The following ROBO2 variants were observed in gnomAD, a reference collection of about 807,000 sequenced individuals.
ROBO2 encodes roundabout homolog 2.
ROBO2 carries 53 observed loss-of-function variants against 160.8 expected under a neutral mutation model. The ratio of observed to expected loss-of-function variants is 0.33; its 90% CI spans 0.26 to 0.41. The LOEUF is 0.41. ROBO2 is among the 10% of genes least tolerant of loss of function. The probability of loss-of-function intolerance (pLI) is 1.00; values close to 1 mark genes in which losing one functional copy is unlikely to be tolerated. For synonymous variants in ROBO2, 664 were observed against 611.7 expected, an observed-to-expected ratio of 1.09 and a Z score of -1.26; for missense variants, 1,577 against 1,722.4, an observed-to-expected ratio of 0.92 and a Z score of 1.49.
At chr3:77,017,253 T>G (rs577793608) in intron 2 of ROBO2, among the ~76,000 whole-genome samples, 1 of 152,328 alleles carries the variant, frequency 6.6e-6, no homozygotes, top group African/African-American at 2.4e-5. Flanking sequence ...AGTCTTTGGG[T>G]CTGTGACCTT....
chr3:76,556,071 G>C (rs752339445), intron 2 of ROBO2, among the ~76,000 whole-genome samples: 1 of 151,982 alleles, frequency 6.6e-6, no homozygotes, highest in Admixed American at 6.6e-5. Flanking sequence ...TCGCACTCCA[G>C]GCTGTGCAAC....
chr3:76,379,399 A>G (rs1437827126), intron 2 of ROBO2, among the ~76,000 whole-genome samples: 3 of 152,158 alleles, frequency 2.0e-5, no homozygotes, highest in East Asian at 1.9e-4. Flanking sequence ...GTGTTATATA[A>G]AAGTGTCTTT....
At chr3:77,614,083 T>C (rs1266403399) in intron 21 of ROBO2, among the ~76,000 whole-genome samples, 1 of 152,186 alleles carries the variant, frequency 6.6e-6, no homozygotes, top group African/African-American at 2.4e-5. Context: ...GTAAAAACTG[T>C]CTGAAAAGGT....
At chr3:76,704,623 T>C (rs1048716550) in intron 2 of ROBO2, among the ~76,000 whole-genome samples, 1 of 152,168 alleles carries the variant, frequency 6.6e-6, no homozygotes, top group African/African-American at 2.4e-5. Flanking sequence ...CTTTCCATGC[T>C]TGGGTCCTAG....
chr3:76,956,213 T>A (rs1218047925), intron 2 of ROBO2, among the ~76,000 whole-genome samples: 1 of 152,184 alleles, frequency 6.6e-6, no homozygotes, highest in Non-Finnish European at 1.5e-5. Flanking sequence ...ATGCATTAGA[T>A]ATTTATTTTA....
chr3:76,425,768 A>T (rs1261121177), intron 2 of ROBO2, among the ~76,000 whole-genome samples: 2 of 151,954 alleles, frequency 1.3e-5, no homozygotes, highest in African/African-American at 2.4e-5. Flanking sequence ...AAATGAGTTG[A>T]TCAGAACAAA....
At chr3:76,228,076 A>G (rs1704399216) in intron 2 of ROBO2, among the ~76,000 whole-genome samples, 1 of 152,226 alleles carries the variant, frequency 6.6e-6, no homozygotes, top group South Asian at 2.1e-4. Context: ...ATTTTATAGT[A>G]TACCCTAATT....
chr3:76,012,723 C>G (rs960774753), intron 2 of ROBO2, among the ~76,000 whole-genome samples: 1 of 151,846 alleles, frequency 6.6e-6, no homozygotes, highest in Non-Finnish European at 1.5e-5. Flanking sequence ...TATAATTTAT[C>G]TAAGCTCCAG....
rs150203048 is a variant in ROBO2, at chr3:77,180,531, G to C, written c.388+82191G>C. 6.9e-4 allele frequency among the ~76,000 whole-genome samples: 103 copies of C among 148,484 alleles called. 1 individual carries two copies. Among genetic ancestry groups the C allele is most frequent in the African/African-American group, 2.3e-3 (95 of 40,516 alleles). ...GCTCACTGCAACCTTCACCTCCTGG[G>C]TTCAAGCGATTCTCCTGCCTCAGTC... On this transcript the variant is annotated intron_variant, in intron 2 of 25. Coordinates refer to ENST00000461745, the Ensembl canonical transcript of ROBO2.
intron 2 of ROBO2, among the ~76,000 whole-genome samples, chr3:76,721,744 G>A (rs1451833054): frequency 1.3e-5 from 2 of 152,184 alleles, no homozygotes; most frequent in Non-Finnish European, 2.9e-5. Flanking sequence ...TTATTGTCAT[G>A]ATCATAAGGC....
At chr3:77,563,213 A>G (rs1265420323) in exon 11 of ROBO2, 5 of 1,613,560 alleles carry the variant, frequency 3.1e-6, no homozygotes, top group Non-Finnish European at 4.2e-6. Context: ...GTGACCTGCC[A>G]GGGCCACCAT....
chr3:77,626,865 G>A (rs542058164), intron 23 of ROBO2, among the ~76,000 whole-genome samples: 204 of 152,160 alleles, frequency 1.3e-3, no homozygotes, highest in African/African-American at 4.7e-3. Context: ...TTTGTGTTAC[G>A]TTTTTGGAGG....
At chr3:76,360,122 A>T (rs2075418900) in intron 2 of ROBO2, among the ~76,000 whole-genome samples, 1 of 152,080 alleles carries the variant, frequency 6.6e-6, no homozygotes, top group Admixed American at 6.6e-5. Context: ...TCACAGAGAA[A>T]CTAACTACTT....
chr3:77,134,810 A>T (rs1412257618), intron 2 of ROBO2, among the ~76,000 whole-genome samples: 1 of 152,236 alleles, frequency 6.6e-6, no homozygotes, highest in Non-Finnish European at 1.5e-5. Context: ...TACATAATCA[A>T]ATCAGTACAG....
In ROBO2 at chr3:77,291,686, A is replaced by G. The variant is rs542856094; in HGVS notation, c.389-185728A>G. Among the ~76,000 whole-genome samples, 291 of 151,744 alleles carry G rather than the reference A, an allele frequency of 1.9e-3. 3 individuals carry two copies. Among genetic ancestry groups the G allele is most frequent in the African/African-American group, 6.9e-3 (283 of 41,306 alleles). On this transcript the variant is annotated intron_variant, in intron 2 of 25. Transcript: ENST00000461745. ...AGTAAAATTGATGGTTAAATGGGTA[A>G]GCTGAGGCTAGATCACTAAAGACAT...
intron 2 of ROBO2, among the ~76,000 whole-genome samples, chr3:76,823,773 G>A (rs1304012565): frequency 6.6e-6 from 1 of 152,148 alleles, no homozygotes; most frequent in Admixed American, 6.6e-5. Flanking sequence ...CAATGGAGGA[G>A]AAGGGGAGAT....
At chr3:77,440,868 G>A (rs986342396) in intron 2 of ROBO2, among the ~76,000 whole-genome samples, 4 of 152,062 alleles carry the variant, frequency 2.6e-5, no homozygotes, top group Non-Finnish European at 5.9e-5. Flanking sequence ...TGAGGGTTGC[G>A]GGTGGTGAGG....
At chr3:77,108,520 G>A (rs1451510745) in intron 2 of ROBO2, among the ~76,000 whole-genome samples, 1 of 152,034 alleles carries the variant, frequency 6.6e-6, no homozygotes, top group Non-Finnish European at 1.5e-5. Flanking sequence ...TCTTTGTTGG[G>A]TTTCCTAATC....
intron 2 of ROBO2, among the ~76,000 whole-genome samples, chr3:76,198,355 C>G (rs949326813): frequency 6.6e-6 from 1 of 152,154 alleles, no homozygotes; most frequent in African/African-American, 2.4e-5. Flanking sequence ...AACATGAAAA[C>G]AGAGATCTTA....
Sources: gnomAD v4.1 joint callset for allele counts (sites outside exome capture counted in the v4.1 genomes callset) on GRCh38, gnomAD v4.1.1 for gene constraint, MANE v1.5 for transcripts, NCBI Gene and HGNC (gene_info 2026-07-23, HGNC 2026-07-21) for gene names.